Variants in BPIFA3 observed in about 807,000 individuals in gnomAD.
BPIFA3 encodes the protein BPI fold-containing family A member 3.
BPIFA3 carries 32 observed loss-of-function variants against 29.7 expected under a neutral mutation model. That is an observed-to-expected ratio of 1.08 (90% CI 0.81 to 1.45). The LOEUF (loss-of-function observed/expected upper bound fraction) is 1.45, where lower values mean the gene tolerates loss of function less well. Ranked by LOEUF, BPIFA3 falls within the 40% of genes most tolerant of loss-of-function variation. The pLI, the probability that BPIFA3 is intolerant of heterozygous loss-of-function variation, is 0.00. For missense variants in BPIFA3, 323 were observed against 311.3 expected (o/e 1.04, Z -0.28); for synonymous variants, 112 against 113.7 (o/e 0.98, Z 0.10).
chr20:33,224,568 A>G, intron 3 of BPIFA3, 106 bp downstream of exon 3: 2 of 969,604 alleles, frequency 2.1e-6, no homozygotes, highest in Non-Finnish European at 3.2e-6. Flanking sequence ...CCTGGCTTCC[A>G]AAGCCACTTG....
intron 1 of BPIFA3, among the ~76,000 whole-genome samples, chr20:33,222,766 G>A (rs1244556797): frequency 2.0e-5 from 3 of 152,158 alleles, no homozygotes; most frequent in Admixed American, 6.5e-5. Context: ...AAATTCCCAA[G>A]CACCACTATA....
chr20:33,225,030 TA>T (rs1195170354), intron 3 of BPIFA3, 67 bp from the exon 4 acceptor site: 2 of 1,472,082 alleles, frequency 1.4e-6, no homozygotes, highest in Non-Finnish European at 1.9e-6. Context: ...TCTTTGCCAA[TA>T]CGGAGATTTC....
At position 33,223,034 on chromosome 20, in the gene BPIFA3, AG is replaced by A. The variant is rs1985602253; in HGVS notation, c.128-776del. 2.0e-5 allele frequency among the ~76,000 whole-genome samples: 3 copies of A among 152,216 alleles called. No individual in the cohort carries two copies. The South Asian group carries it at 6.2e-4, about 32-fold the overall frequency. On this transcript the variant is annotated intron_variant, in intron 1 of 6. Transcript: ENST00000375454. ...CAGATGAAGAAGCCAAGACCCAGGG[AG>A]ATGATAGAGCCAGGATTTGAATCAA...
chr20:33,225,222 A>G lies in BPIFA3; in HGVS notation c.511A>G (p.Ser171Gly). The G allele has an allele frequency of 6.2e-7, 1 of 1,614,014 alleles. No individual in the cohort carries two copies. Among genetic ancestry groups the G allele is most frequent in the Non-Finnish European group, 8.5e-7 (1 of 1,180,030 alleles). ...VIGKCDAEPSSVHVAILTEAI... is the reference protein window; with the variant it reads ...VIGKCDAEPSGVHVAILTEAI... ...AGGCAAATGCGATGCAGAGCCCAGC[A>G]GTGTCCATGTGGCCATCCTCACTGA... The change falls in exon 4 of 7, where the codon AGT (serine) becomes GGT (glycine). Residue 171 changes from serine to glycine, a missense_variant. Physicochemically the swap from Ser to Gly is moderately conservative, Grantham distance 56 (BLOSUM62 0). Transcript: ENST00000375454.
In BPIFA3 at chr20:33,217,514, G is replaced by C; in HGVS notation, c.-23G>C. On this transcript the variant is annotated 5_prime_UTR_variant, in exon 1 of 7. Transcript: ENST00000375454. ...TGCCCAGGCCCCATCTGACACTCTT[G>C]ACATCTGCAGGTCCCAGACCCTATG... 4 of 1,611,446 alleles carry C rather than the reference G, an allele frequency of 2.5e-6. No individual in the cohort carries two copies. The highest frequency in any genetic ancestry group is 3.4e-6 in the Non-Finnish European group (4 of 1,179,012).
chr20:33,227,497 G>A lies in BPIFA3; in HGVS notation c.686-41G>A, dbSNP rs141027131. On this transcript the variant is annotated intron_variant, in intron 6 of 6. Coordinates refer to ENST00000375454, the MANE Select transcript of BPIFA3 (RefSeq NM_178466.5). The stretch of plus-strand genomic sequence containing the variant: ...TTCCCTTCGGTGTGGGAGTTGGGAG[G>A]TGGGCACACTGGTGACAGACGCTAC... 1,116 of 1,523,298 alleles carry A rather than the reference G, an allele frequency of 7.3e-4. 1 individual carries two copies. Among genetic ancestry groups the A allele is most frequent in the Non-Finnish European group, 9.3e-4 (1,018 of 1,097,748 alleles). 94.4% of individuals were successfully genotyped at this position (1,523,298 alleles called of 1,614,324 possible).
chr20:33,223,808 CAG>C lies in BPIFA3; in HGVS notation c.128-2_128-1del. 1 of 1,610,346 alleles carries C rather than the reference CAG, an allele frequency of 6.2e-7. No homozygotes were observed. The highest frequency in any genetic ancestry group is 2.2e-5 in the East Asian group (1 of 44,726). ...AAAGTCAGTGGTCCTTGTGCATTTC[CAG>C]TTATTGCTCAGGGCCTCATAAAGCA... On this transcript the variant is annotated splice_acceptor_variant, in intron 1 of 6. Coordinates refer to ENST00000375454, the MANE Select transcript of BPIFA3 (RefSeq NM_178466.5). LOFTEE classifies it high-confidence loss of function.
chr20:33,225,294 G>A (rs2053375077), intron 4 of BPIFA3, 47 bp downstream of exon 4: 22 of 1,610,346 alleles, frequency 1.4e-5, no homozygotes, highest in Non-Finnish European at 1.9e-5. Flanking sequence ...CCTTCCTGAT[G>A]AGCCCCAGCT....
intron 4 of BPIFA3, 176 bp from the exon 5 acceptor site, chr20:33,226,230 G>C: frequency 1.7e-6 from 1 of 590,374 alleles, no homozygotes; most frequent in South Asian, 2.1e-5. Flanking sequence ...CTTATTAGCT[G>C]TGTGACCTTG....
chr20:33,227,645 A>G lies in BPIFA3; in HGVS notation c.*28A>G, dbSNP rs764153642. 2.5e-6 allele frequency: 4 copies of G among 1,591,374 alleles called. No individual in the cohort carries two copies. Among genetic ancestry groups the G allele is most frequent in the Admixed American group, 3.3e-5 (2 of 59,966 alleles). On this transcript the variant is annotated 3_prime_UTR_variant, in exon 7 of 7. Transcript: ENST00000375454. ...TCTGCTGATCAGAAGGAAAGTCCAC[A>G]TCTTGCAACCTTAAGTCTCCCTTAG...
intron 5 of BPIFA3, 177 bp from the exon 6 acceptor site, chr20:33,226,753 G>A (rs1985797979): frequency 1.5e-6 from 1 of 679,390 alleles, no homozygotes; most frequent in South Asian, 1.9e-5. Context: ...TGGAGACAAA[G>A]CGTCGAAGTG....
chr20:33,227,666 C>T lies in BPIFA3; in HGVS notation c.*49C>T. On this transcript the variant is annotated 3_prime_UTR_variant, in exon 7 of 7. Coordinates refer to ENST00000375454, the MANE Select transcript of BPIFA3 (RefSeq NM_178466.5). ...CCACATCTTGCAACCTTAAGTCTCC[C>T]TTAGAGTGGGGCTTCTGCTACCCTA... is the stretch of plus-strand genomic sequence containing the variant. 6.6e-7 allele frequency: 1 copy of T among 1,511,896 alleles called. No individual in the cohort carries two copies. Among genetic ancestry groups the T allele is most frequent in the Non-Finnish European group, 9.2e-7 (1 of 1,087,878 alleles). 93.7% of individuals were successfully genotyped at this position (1,511,896 alleles called of 1,614,324 possible).
chr20:33,225,509 A>G (rs895748974), intron 4 of BPIFA3: 2 of 469,398 alleles, frequency 4.3e-6, no homozygotes, highest in Non-Finnish European at 7.7e-6. Context: ...TCTCTCTTTT[A>G]TCTCCATCTC....
At chr20:33,224,972 G>A in intron 3 of BPIFA3, 126 bp from the exon 4 acceptor site, 12 of 809,436 alleles carry the variant, frequency 1.5e-5, no homozygotes, top group Non-Finnish European at 2.4e-5. Flanking sequence ...CTAGTTTGTT[G>A]AAAGGACTCA....
chr20:33,218,536 A>T (rs2146481151), intron 1 of BPIFA3, among the ~76,000 whole-genome samples: 1 of 152,298 alleles, frequency 6.6e-6, no homozygotes. Flanking sequence ...CAAGATCAAG[A>T]TGCAAATAGG....
At chr20:33,224,220 A>T (rs1985666209) in intron 2 of BPIFA3, 135 bp from the exon 3 acceptor site, 1 of 834,500 alleles carries the variant, frequency 1.2e-6, no homozygotes, top group Admixed American at 2.7e-5. Context: ...CCCTCAGAGC[A>T]TCTGTAAAAG....
Position 33,217,516 on chromosome 20 carries a change from C to T in BPIFA3, c.-21C>T, listed in dbSNP as rs753410611. 39 of 1,611,770 alleles carry T rather than the reference C, an allele frequency of 2.4e-5. No individual in the cohort carries two copies. The East Asian group carries it at 7.6e-4, about 31-fold the overall frequency. ...CCCAGGCCCCATCTGACACTCTTGACATCTGCAGGTCCCAGACCCTATGAT... is the reference window on the plus strand; with the variant it reads ...CCCAGGCCCCATCTGACACTCTTGATATCTGCAGGTCCCAGACCCTATGAT... On this transcript the variant is annotated 5_prime_UTR_variant, in exon 1 of 7. Coordinates refer to ENST00000375454, the MANE Select transcript of BPIFA3 (RefSeq NM_178466.5).
intron 1 of BPIFA3, among the ~76,000 whole-genome samples, chr20:33,220,173 C>T (rs965828262): frequency 3.3e-5 from 5 of 150,486 alleles, no homozygotes; most frequent in Admixed American, 1.3e-4. Flanking sequence ...CTGAGGTGGG[C>T]GAATCACAAG....
intron 1 of BPIFA3, among the ~76,000 whole-genome samples, chr20:33,219,876 G>A (rs6059164): frequency 6.6e-5 from 10 of 151,806 alleles, no homozygotes; most frequent in East Asian, 3.9e-4. Context: ...GTGGGAAATC[G>A]CTTGAGCCTA....
Sources: allele counts gnomAD v4.1 joint callset (sites outside exome capture counted in the v4.1 genomes callset), GRCh38; gene constraint gnomAD v4.1.1; transcripts MANE v1.5; gene names NCBI Gene and HGNC (gene_info 2026-07-23, HGNC 2026-07-21).